The following SMCHD1 variants were observed in gnomAD, a reference collection of about 807,000 sequenced individuals.
The protein encoded by SMCHD1 is structural maintenance of chromosomes flexible hinge domain-containing protein 1.
In SMCHD1, 78 loss-of-function variants were observed where a neutral mutation model predicts 254.7. The ratio of observed to expected loss-of-function variants is 0.31; its 90% CI spans 0.26 to 0.37. The LOEUF (loss-of-function observed/expected upper bound fraction) is 0.37, where lower values mean the gene tolerates loss of function less well. SMCHD1 is among the 10% of genes least tolerant of loss of function. SMCHD1 has a pLI of 1.00. For synonymous variants in SMCHD1, 766 were observed against 794.9 expected (o/e 0.96, Z 0.61); for missense variants, 1,840 against 2,408.1 (o/e 0.76, Z 4.94).
Position 2,729,270 on chromosome 18 carries a change from A to T in SMCHD1, c.2914-5A>T. On this transcript the variant is annotated splice_polypyrimidine_tract_variant and splice_region_variant and intron_variant, in intron 23 of 47. Coordinates refer to ENST00000320876, the MANE Select transcript of SMCHD1 (RefSeq NM_015295.3). ...GTCTTACATTATTTTTCATCTTTCAAATAGTTTTCAGGTGCTCCAAACCTT... is the reference window on the plus strand; with the variant it reads ...GTCTTACATTATTTTTCATCTTTCATATAGTTTTCAGGTGCTCCAAACCTT... 6.9e-7 allele frequency: 1 copy of T among 1,455,026 alleles called. No homozygotes were observed. The highest frequency in any genetic ancestry group is 2.5e-5 in the East Asian group (1 of 39,440). The allele number at this position is 1,455,026 out of a possible 1,614,324, so 90.1% of individuals were successfully genotyped here.
At chr18:2,742,124 A>G (rs751655912) in intron 28 of SMCHD1, among the ~76,000 whole-genome samples, 3 of 152,152 alleles carry the variant, frequency 2.0e-5, no homozygotes, top group Non-Finnish European at 4.4e-5. Context: ...TCAGCATGTT[A>G]CATTCTACTG....
intron 5 of SMCHD1, among the ~76,000 whole-genome samples, chr18:2,688,167 A>C (rs2074094940): frequency 6.6e-6 from 1 of 152,202 alleles, no homozygotes; most frequent in Admixed American, 6.5e-5. Context: ...ATTGAGCCCA[A>C]GAGTTTGCAT....
intron 17 of SMCHD1, among the ~76,000 whole-genome samples, chr18:2,717,432 G>A (rs2074826508): frequency 6.6e-6 from 1 of 152,090 alleles, no homozygotes; most frequent in Non-Finnish European, 1.5e-5. Flanking sequence ...GACCTCCTGG[G>A]CTCAAGTAGT....
intron 15 of SMCHD1, among the ~76,000 whole-genome samples, chr18:2,706,962 AAGAG>A (rs890064399): frequency 6.6e-6 from 1 of 151,826 alleles, no homozygotes; most frequent in Non-Finnish European, 1.5e-5. Context: ...TGGGCGGCAG[AAGAG>A]AGAGAGAGGG....
chr18:2,783,745 G>T (rs1598442756), intron 44 of SMCHD1, among the ~76,000 whole-genome samples: 1 of 151,982 alleles, frequency 6.6e-6, no homozygotes, highest in East Asian at 1.9e-4. Flanking sequence ...GCTAATTTTT[G>T]TGTTTTTAGT....
chr18:2,729,515 G>GT, intron 24 of SMCHD1, 106 bp downstream of exon 24: 1 of 764,956 alleles, frequency 1.3e-6, no homozygotes, highest in Non-Finnish European at 1.9e-6. Context: ...TGAAAATGAG[G>GT]TATTTGTGGT....
chr18:2,793,695 G>A (rs1274733636), intron 45 of SMCHD1, among the ~76,000 whole-genome samples: 1 of 147,494 alleles, frequency 6.8e-6, no homozygotes, highest in Non-Finnish European at 1.5e-5. Context: ...GCTTTAATGT[G>A]GAATTAGAAA....
intron 8 of SMCHD1, among the ~76,000 whole-genome samples, chr18:2,695,498 CA>C (rs2143129451): frequency 6.6e-6 from 1 of 152,056 alleles, no homozygotes; most frequent in South Asian, 2.1e-4. Context: ...TTAGTAGAGA[CA>C]GGTTTTTGCC....
intron 27 of SMCHD1, 67 bp downstream of exon 27, chr18:2,739,587 GT>G: frequency 8.3e-7 from 1 of 1,204,438 alleles, no homozygotes; most frequent in Non-Finnish European, 1.2e-6. Context: ...TTCCATGGAT[GT>G]TTTAGATACC....
intron 20 of SMCHD1, among the ~76,000 whole-genome samples, 174 bp downstream of exon 20, chr18:2,722,837 A>T (rs1222044678): frequency 6.6e-6 from 1 of 152,160 alleles, no homozygotes; most frequent in African/African-American, 2.4e-5. Flanking sequence ...GACTAGTGTC[A>T]TATATAAATT....
At chr18:2,731,202 A>G (rs936659796) in intron 24 of SMCHD1, among the ~76,000 whole-genome samples, 1 of 152,246 alleles carries the variant, frequency 6.6e-6, no homozygotes, top group African/African-American at 2.4e-5. Context: ...ATAGGCTTCC[A>G]TAAGTTAAAT....
intron 26 of SMCHD1, among the ~76,000 whole-genome samples, chr18:2,738,860 G>A (rs1055176651): frequency 2.6e-5 from 4 of 152,110 alleles, no homozygotes; most frequent in Non-Finnish European, 5.9e-5. Flanking sequence ...TTGTTCAGAA[G>A]GAAAAATCCT....
At chr18:2,684,129 G>A (rs1184870320) in intron 5 of SMCHD1, among the ~76,000 whole-genome samples, 1 of 152,046 alleles carries the variant, frequency 6.6e-6, no homozygotes, top group African/African-American at 2.4e-5. Flanking sequence ...ACTATCTTTG[G>A]AGTTTGCGGG....
chr18:2,731,662 G>A (rs1197948530), intron 24 of SMCHD1, among the ~76,000 whole-genome samples: 1 of 152,126 alleles, frequency 6.6e-6, no homozygotes, highest in Admixed American at 6.5e-5. Context: ...TACTAACAGA[G>A]TATGTAACAT....
chr18:2,722,637 T>C lies in SMCHD1; in HGVS notation c.2577T>C (p.Thr859=), dbSNP rs1408054045. The C allele has an allele frequency of 6.2e-7, 1 of 1,611,730 alleles. No homozygotes were observed. Among genetic ancestry groups the C allele is most frequent in the African/African-American group, 1.3e-5 (1 of 74,862 alleles). Residue 859 remains threonine (T), a synonymous_variant, in exon 20 of 48, where the codon ACT becomes ACC. Transcript: ENST00000320876. The part of the protein sequence containing the change: ...DEFGHTSQLV[T]DIQPVLEASG... Reference sequence around the variant, plus strand: ...TTGGTCATACCAGTCAACTAGTAACTGATATTCAGCCAGTTCTTGAAGCAA... The same window carrying C: ...TTGGTCATACCAGTCAACTAGTAACCGATATTCAGCCAGTTCTTGAAGCAA...
At chr18:2,720,159 A>T (rs2074894751) in intron 19 of SMCHD1, among the ~76,000 whole-genome samples, 1 of 152,052 alleles carries the variant, frequency 6.6e-6, no homozygotes, top group African/African-American at 2.4e-5. Flanking sequence ...TAATGTTAGG[A>T]TGTTGGATTT....
Position 2,703,892 on chromosome 18 carries a change from T to C in SMCHD1, c.1842+6T>C. ...TATACAAAGCAGGACAGCTGGTAGG[T>C]TTAACTTATTGTCACTTTTTTCTTA... On this transcript the variant is annotated splice_donor_region_variant and intron_variant, in intron 13 of 47. Coordinates refer to ENST00000320876, the MANE Select transcript of SMCHD1 (RefSeq NM_015295.3). The C allele has an allele frequency of 1.3e-6, 2 of 1,540,614 alleles. No homozygotes were observed. Among genetic ancestry groups the C allele is most frequent in the Non-Finnish European group, 1.7e-6 (2 of 1,147,244 alleles).
At chr18:2,660,358 C>G (rs2073211102) in intron 1 of SMCHD1, among the ~76,000 whole-genome samples, 2 of 151,200 alleles carry the variant, frequency 1.3e-5, no homozygotes, top group East Asian at 1.9e-4. Context: ...AAATAAAATA[C>G]TTAGAAAAAT....
At chr18:2,773,144 T>C (rs1462888201) in intron 41 of SMCHD1, among the ~76,000 whole-genome samples, 1 of 152,214 alleles carries the variant, frequency 6.6e-6, no homozygotes. Context: ...GCAATGTGTA[T>C]GACCAAAACC....
Sources: gnomAD v4.1 joint callset for allele counts (sites outside exome capture counted in the v4.1 genomes callset) on GRCh38, gnomAD v4.1.1 for gene constraint, MANE v1.5 for transcripts, NCBI Gene and HGNC (gene_info 2026-07-23, HGNC 2026-07-21) for gene names.